SETBP1: variants seen among roughly 807,000 people sequenced by gnomAD.
SETBP1 encodes the protein SET-binding protein.
In SETBP1, 9 loss-of-function variants were observed where a neutral mutation model predicts 101.0. The ratio of observed to expected loss-of-function variants is 0.09; its 90% CI spans 0.05 to 0.16. The LOEUF is 0.16. Among genes scored for constraint, SETBP1 ranks in the 10% least tolerant of loss-of-function variants. The pLI, the probability that SETBP1 is intolerant of heterozygous loss-of-function variation, is 1.00. For synonymous variants in SETBP1, 818 were observed against 788.5 expected, an observed-to-expected ratio of 1.04 and a Z score of -0.63; for missense variants, 1,858 against 2,033.8, an observed-to-expected ratio of 0.91 and a Z score of 1.66.
chr18:45,005,310 T>C (rs982323615), intron 4 of SETBP1, among the ~76,000 whole-genome samples: 18 of 152,232 alleles, frequency 1.2e-4, no homozygotes, highest in African/African-American at 4.3e-4. Context: ...GTCATCATTT[T>C]TCTGGTGGGA....
intron 2 of SETBP1, among the ~76,000 whole-genome samples, chr18:44,798,845 G>C (rs1029732977): frequency 6.6e-6 from 1 of 152,160 alleles, no homozygotes; most frequent in Non-Finnish European, 1.5e-5. Flanking sequence ...TGGAGCCTGA[G>C]ACCTGAACAA....
At chr18:44,914,896 G>C (rs1284991293) in intron 3 of SETBP1, among the ~76,000 whole-genome samples, 1 of 152,048 alleles carries the variant, frequency 6.6e-6, no homozygotes, top group Admixed American at 6.6e-5. Context: ...GTGCTTTTCA[G>C]CTGGCTGCTG....
chr18:44,771,354 G>A (rs1331144420), intron 2 of SETBP1, among the ~76,000 whole-genome samples: 1 of 145,960 alleles, frequency 6.9e-6, no homozygotes, highest in Non-Finnish European at 1.5e-5. Flanking sequence ...TGCACAGGTG[G>A]TGTCAGGTCC....
chr18:44,863,515 A>G (rs1240932908), intron 2 of SETBP1, among the ~76,000 whole-genome samples: 2 of 152,178 alleles, frequency 1.3e-5, no homozygotes, highest in African/African-American at 2.4e-5. Flanking sequence ...TTATGGGTTG[A>G]AAGGTTGTGG....
intron 5 of SETBP1, among the ~76,000 whole-genome samples, chr18:45,042,146 CTTTTTTTT>C (rs556269689): frequency 2.3e-4 from 19 of 82,700 alleles, no homozygotes; most frequent in Middle Eastern, 7.1e-3. Flanking sequence ...CTTGAAACTG[CTTTTTTTT>C]TTTTTTTTTT....
At chr18:44,859,748 C>A (rs1322814544) in intron 2 of SETBP1, among the ~76,000 whole-genome samples, 1 of 152,092 alleles carries the variant, frequency 6.6e-6, no homozygotes, top group African/African-American at 2.4e-5. Context: ...ATTATAATAG[C>A]CAAGAGTTCA....
intron 4 of SETBP1, among the ~76,000 whole-genome samples, chr18:44,992,869 G>A (rs897928293): frequency 2.6e-5 from 4 of 151,944 alleles, no homozygotes; most frequent in Non-Finnish European, 2.9e-5. Flanking sequence ...AGAAATAATA[G>A]TGGGCCAAGT....
At chr18:45,058,284 A>G (rs2073840876) in intron 5 of SETBP1, among the ~76,000 whole-genome samples, 1 of 152,214 alleles carries the variant, frequency 6.6e-6, no homozygotes, top group Non-Finnish European at 1.5e-5. Flanking sequence ...AGAGAGAAAA[A>G]TCTGTAAACA....
In SETBP1 at chr18:44,791,332, T is replaced by C. The variant is rs185152031; in HGVS notation, c.487-77898T>C. 2.5e-3 allele frequency among the ~76,000 whole-genome samples: 375 copies of C among 152,324 alleles called. 3 individuals carry two copies. Among genetic ancestry groups the C allele is most frequent in the African/African-American group, 8.5e-3 (354 of 41,564 alleles). ...AGCACTGCATTTCGGAAAACCGTCCTAGTGGTAGAGAAAGAAGATGGGAGA... is the reference window on the plus strand; with the variant it reads ...AGCACTGCATTTCGGAAAACCGTCCCAGTGGTAGAGAAAGAAGATGGGAGA... On this transcript the variant is annotated intron_variant, in intron 2 of 5. Coordinates refer to ENST00000649279, the MANE Select transcript of SETBP1 (RefSeq NM_015559.3).
intron 2 of SETBP1, among the ~76,000 whole-genome samples, chr18:44,782,805 A>T (rs1341747544): frequency 1.3e-5 from 2 of 152,204 alleles, no homozygotes; most frequent in Non-Finnish European, 2.9e-5. Flanking sequence ...CTGGTCAGGG[A>T]ATAGAAACGG....
At chr18:44,691,206 G>A (rs2068926374) in intron 1 of SETBP1, among the ~76,000 whole-genome samples, 1 of 152,154 alleles carries the variant, frequency 6.6e-6, no homozygotes, top group Non-Finnish European at 1.5e-5. Context: ...GAAAGTGTGT[G>A]CTCTTGAGTA....
chr18:44,791,720 C>CGA (rs111572062), intron 2 of SETBP1, among the ~76,000 whole-genome samples: 11,225 of 147,506 alleles, frequency 0.076, 442 homozygotes, highest in East Asian at 0.14. Flanking sequence ...CCTGTGGGGG[C>CGA]GAGAGAGAGA....
intron 2 of SETBP1, among the ~76,000 whole-genome samples, chr18:44,713,193 G>A (rs1010767991): frequency 3.9e-5 from 6 of 151,954 alleles, no homozygotes; most frequent in African/African-American, 7.3e-5. Flanking sequence ...TTCTGACCTC[G>A]TGATCCTCCC....
chr18:44,790,881 A>G (rs966740295), intron 2 of SETBP1, among the ~76,000 whole-genome samples: 21 of 152,162 alleles, frequency 1.4e-4, no homozygotes, highest in African/African-American at 5.1e-4. Flanking sequence ...AAAAGAGTCC[A>G]CCCTGAACGA....
intron 2 of SETBP1, among the ~76,000 whole-genome samples, chr18:44,751,735 G>A (rs1010611074): frequency 6.6e-6 from 1 of 152,076 alleles, no homozygotes; most frequent in African/African-American, 2.4e-5. Flanking sequence ...AATACATTTG[G>A]AAACCAGGCA....
chr18:44,879,984 T>C (rs2069493382), intron 3 of SETBP1, among the ~76,000 whole-genome samples: 2 of 152,218 alleles, frequency 1.3e-5, no homozygotes. Flanking sequence ...TAAGCAACTT[T>C]CTCAGGCCCA....
At chr18:44,984,377 G>A (rs2072182997) in intron 4 of SETBP1, among the ~76,000 whole-genome samples, 2 of 152,136 alleles carry the variant, frequency 1.3e-5, no homozygotes, top group Non-Finnish European at 2.9e-5. Context: ...TTCTGATTAG[G>A]AATATGCAAG....
intron 2 of SETBP1, among the ~76,000 whole-genome samples, chr18:44,822,362 A>G (rs1312130847): frequency 6.6e-6 from 1 of 152,170 alleles, no homozygotes; most frequent in Non-Finnish European, 1.5e-5. Context: ...TTTATTTTTC[A>G]TACCATCTAG....
At chr18:44,913,109 T>C (rs779410342) in intron 3 of SETBP1, among the ~76,000 whole-genome samples, 1 of 152,210 alleles carries the variant, frequency 6.6e-6, no homozygotes, top group African/African-American at 2.4e-5. Context: ...GACTCAGCCC[T>C]AAGATCTGCC....
Sources: gnomAD v4.1 joint callset for allele counts (sites outside exome capture counted in the v4.1 genomes callset) on GRCh38, gnomAD v4.1.1 for gene constraint, MANE v1.5 for transcripts, NCBI Gene and HGNC (gene_info 2026-07-23, HGNC 2026-07-21) for gene names.